Variants in HS2ST1 observed in about 807,000 individuals in gnomAD.
HS2ST1 encodes 2-O-sulfotransferase.
In HS2ST1, 18 loss-of-function variants were observed where a neutral mutation model predicts 42.9. The observed-to-expected ratio is 0.42, with a 90% CI of 0.29 to 0.62. HS2ST1 has a LOEUF of 0.62. HS2ST1 is among the 20% of genes least tolerant of loss of function. HS2ST1 has a pLI of 0.21. For missense variants in HS2ST1, 334 were observed against 433.8 expected, an observed-to-expected ratio of 0.77 and a Z score of 2.04; for synonymous variants, 146 against 152.9, an observed-to-expected ratio of 0.95 and a Z score of 0.33.
chr1:87,081,447 G>A (rs953126230), intron 2 of HS2ST1, among the ~76,000 whole-genome samples: 3 of 152,130 alleles, frequency 2.0e-5, no homozygotes, highest in Non-Finnish European at 2.9e-5. Context: ...TGACCAGTGG[G>A]TCAATAAATT....
intron 1 of HS2ST1, among the ~76,000 whole-genome samples, chr1:86,977,846 A>T (rs11161914): frequency 0.73 from 111,731 of 152,110 alleles, 42,060 homozygotes; most frequent in East Asian, 0.97. Context: ...GAACATGAGA[A>T]GTTAAAAAGC....
At chr1:86,944,024 CA>C (rs35248679) in intron 1 of HS2ST1, among the ~76,000 whole-genome samples, 40 of 144,626 alleles carry the variant, frequency 2.8e-4, no homozygotes, top group Admixed American at 1.0e-3. Flanking sequence ...AACTCTGTCT[CA>C]AAAAAAAAAA....
intron 1 of HS2ST1, among the ~76,000 whole-genome samples, chr1:86,977,982 A>G (rs1648470673): frequency 6.6e-6 from 1 of 152,180 alleles, no homozygotes; most frequent in Non-Finnish European, 1.5e-5. Context: ...GTAAAGCTGA[A>G]AAATTCCTAT....
chr1:87,013,260 C>T (rs1036759463), intron 1 of HS2ST1, among the ~76,000 whole-genome samples: 3 of 152,242 alleles, frequency 2.0e-5, no homozygotes, highest in African/African-American at 7.2e-5. Flanking sequence ...GATATCCAGG[C>T]ATTTCCATAC....
At chr1:86,989,118 T>C (rs1648873201) in intron 1 of HS2ST1, among the ~76,000 whole-genome samples, 1 of 152,220 alleles carries the variant, frequency 6.6e-6, no homozygotes, top group African/African-American at 2.4e-5. Flanking sequence ...TAGATTTCTT[T>C]TATAAACATG....
intron 1 of HS2ST1, among the ~76,000 whole-genome samples, chr1:86,924,018 T>A (rs1660359882): frequency 6.6e-6 from 1 of 152,238 alleles, no homozygotes; most frequent in African/African-American, 2.4e-5. Context: ...CTTCTGCCTA[T>A]GAGCCTGTAA....
intron 1 of HS2ST1, among the ~76,000 whole-genome samples, chr1:86,937,073 C>G (rs1660671911): frequency 6.6e-6 from 1 of 151,918 alleles, no homozygotes. Context: ...CTACTGCACT[C>G]CAGCCTGGGC....
chr1:86,915,003 C>T lies in HS2ST1; in HGVS notation c.-34C>T. ...CCTCCGGGGTCCCGCTCCCCGCCCCCCGCGGTATGTCTTGATCCCGAGCAG... is the reference window on the plus strand; with the variant it reads ...CCTCCGGGGTCCCGCTCCCCGCCCCTCGCGGTATGTCTTGATCCCGAGCAG... On this transcript the variant is annotated 5_prime_UTR_variant, in exon 1 of 7. Coordinates refer to ENST00000370550, the MANE Select transcript of HS2ST1 (RefSeq NM_012262.4). 4 of 1,613,250 alleles carry T rather than the reference C, an allele frequency of 2.5e-6. No individual in the cohort carries two copies. The African/African-American group carries it at 4.0e-5, about 16-fold the overall frequency.
chr1:87,033,535 G>GT lies in HS2ST1; in HGVS notation c.125-39392dup, dbSNP rs1553138999. ...TAAATTTTTAAAGTAGTGTTTTTTT[G>GT]TTTTTTTGTTTGTTTGTTTGTTTTT... On this transcript the variant is annotated intron_variant, in intron 1 of 6. Transcript: ENST00000370550. 4.2e-3 allele frequency among the ~76,000 whole-genome samples: 620 copies of GT among 146,796 alleles called. 5 individuals are homozygous for GT. Among genetic ancestry groups the GT allele is most frequent in the African/African-American group, 0.013 (518 of 38,944 alleles).
intron 1 of HS2ST1, among the ~76,000 whole-genome samples, chr1:87,072,513 ATTAG>A (rs767584630): frequency 1.3e-5 from 2 of 151,926 alleles, no homozygotes; most frequent in Non-Finnish European, 2.9e-5. Context: ...GTGTTTGAGA[ATTAG>A]TTCAGGCTGT....
At chr1:86,920,172 A>T (rs1350898472) in intron 1 of HS2ST1, among the ~76,000 whole-genome samples, 1 of 152,232 alleles carries the variant, frequency 6.6e-6, no homozygotes, top group Admixed American at 6.5e-5. Context: ...ATATGGATTT[A>T]TGAGCACATT....
At chr1:86,966,467 C>A (rs1010031348) in intron 1 of HS2ST1, among the ~76,000 whole-genome samples, 1 of 152,108 alleles carries the variant, frequency 6.6e-6, no homozygotes, top group African/African-American at 2.4e-5. Context: ...AATGTTCTTT[C>A]TAAGTTTTAC....
At chr1:87,003,985 C>T (rs928820804) in intron 1 of HS2ST1, among the ~76,000 whole-genome samples, 1 of 152,140 alleles carries the variant, frequency 6.6e-6, no homozygotes, top group African/African-American at 2.4e-5. Flanking sequence ...CCTCAGCTAA[C>T]TTGTTACATT....
intron 4 of HS2ST1, among the ~76,000 whole-genome samples, chr1:87,094,376 C>G (rs1652013816): frequency 2.0e-5 from 3 of 152,076 alleles, no homozygotes; most frequent in Admixed American, 6.6e-5. Flanking sequence ...CTCACATTTA[C>G]TGTGCACCAT....
At chr1:87,028,395 GA>G (rs998756267) in intron 1 of HS2ST1, among the ~76,000 whole-genome samples, 3 of 152,196 alleles carry the variant, frequency 2.0e-5, no homozygotes, top group African/African-American at 7.2e-5. Context: ...ACTGGGAGAA[GA>G]AAATAGTTTT....
At chr1:87,096,221 T>C (rs1557544725) in intron 4 of HS2ST1, among the ~76,000 whole-genome samples, 1 of 152,188 alleles carries the variant, frequency 6.6e-6, no homozygotes, top group Admixed American at 6.5e-5. Flanking sequence ...TTAGTTGCAA[T>C]GTAGAATCTG....
intron 1 of HS2ST1, among the ~76,000 whole-genome samples, chr1:86,959,666 AT>A (rs1436321389): frequency 3.9e-5 from 6 of 152,238 alleles, no homozygotes; most frequent in African/African-American, 1.4e-4. Flanking sequence ...TCCAAAAAAA[AT>A]AAAAGACTAT....
At chr1:86,936,199 T>C (rs562033531) in intron 1 of HS2ST1, among the ~76,000 whole-genome samples, 1 of 152,172 alleles carries the variant, frequency 6.6e-6, no homozygotes, top group Non-Finnish European at 1.5e-5. Flanking sequence ...GTTGCTTTCA[T>C]TGAATGTTTT....
intron 3 of HS2ST1, among the ~76,000 whole-genome samples, chr1:87,090,304 C>G (rs1001900348): frequency 2.6e-5 from 4 of 151,906 alleles, no homozygotes; most frequent in African/African-American, 7.3e-5. Flanking sequence ...TGGTCCCTGC[C>G]CCGGTGGAAC....
Sources: allele counts gnomAD v4.1 joint callset (sites outside exome capture counted in the v4.1 genomes callset), GRCh38; gene constraint gnomAD v4.1.1; transcripts MANE v1.5; gene names NCBI Gene and HGNC (gene_info 2026-07-23, HGNC 2026-07-21).